The following NDST1 variants were observed in gnomAD, a reference collection of about 807,000 sequenced individuals.
NDST1 encodes the protein bifunctional heparan sulfate N-deacetylase/N-sulfotransferase 1.
In NDST1, 35 loss-of-function variants were observed where a neutral mutation model predicts 92.8. That is an observed-to-expected ratio of 0.38 (90% confidence interval 0.29 to 0.50). The LOEUF (loss-of-function observed/expected upper bound fraction) is 0.50, where lower values mean the gene tolerates loss of function less well. NDST1 is among the 20% of genes least tolerant of loss of function. NDST1 has a pLI of 0.94. For synonymous variants in NDST1, 493 were observed against 500.3 expected, an observed-to-expected ratio of 0.99 and a Z score of 0.19; for missense variants, 822 against 1,182.7, an observed-to-expected ratio of 0.69 and a Z score of 4.47.
At chr5:150,518,273 C>T (rs1227076446) in intron 1 of NDST1, among the ~76,000 whole-genome samples, 1 of 152,002 alleles carries the variant, frequency 6.6e-6, no homozygotes, top group Non-Finnish European at 1.5e-5. Flanking sequence ...GAGTTAAGGA[C>T]CCCTGAGCTC....
intron 1 of NDST1, among the ~76,000 whole-genome samples, chr5:150,515,018 G>A (rs1753894648): frequency 6.6e-6 from 1 of 152,216 alleles, no homozygotes; most frequent in South Asian, 2.1e-4. Flanking sequence ...AGGTCAGTAA[G>A]CCCTGGTCCT....
chr5:150,539,169 C>T, intron 6 of NDST1, 59 bp from the exon 7 acceptor site: 1 of 1,404,584 alleles, frequency 7.1e-7, no homozygotes, highest in Non-Finnish European at 1.0e-6. Context: ...GAGGAAGAGT[C>T]CTCCCACCAC....
At chr5:150,518,148 TG>T (rs1220030837) in intron 1 of NDST1, among the ~76,000 whole-genome samples, 1 of 152,128 alleles carries the variant, frequency 6.6e-6, no homozygotes, top group Non-Finnish European at 1.5e-5. Flanking sequence ...CTCCAAGCTG[TG>T]GTATGTGCCA....
intron 1 of NDST1, among the ~76,000 whole-genome samples, chr5:150,514,888 C>T (rs571351897): frequency 3.1e-4 from 47 of 152,304 alleles, no homozygotes; most frequent in Admixed American, 3.9e-4. Flanking sequence ...GGAGCTTCCA[C>T]GATGAATCAG....
At chr5:150,500,574 C>T (rs2151233725) in intron 1 of NDST1, among the ~76,000 whole-genome samples, 1 of 152,314 alleles carries the variant, frequency 6.6e-6, no homozygotes, top group East Asian at 1.9e-4. Flanking sequence ...CCTAGCCAGG[C>T]CCAGAGGAGT....
chr5:150,538,686 A>G (rs1018380975), intron 6 of NDST1, among the ~76,000 whole-genome samples: 1 of 152,130 alleles, frequency 6.6e-6, no homozygotes, highest in Admixed American at 6.5e-5. Context: ...CCATCCATCC[A>G]CTGACCTCAG....
intron 1 of NDST1, among the ~76,000 whole-genome samples, chr5:150,512,151 C>A (rs1279690185): frequency 6.6e-6 from 1 of 152,130 alleles, no homozygotes; most frequent in Non-Finnish European, 1.5e-5. Context: ...TCTTTCTGCA[C>A]TGACCTCCTC....
At chr5:150,530,352 T>C (rs1754668466) in intron 3 of NDST1, among the ~76,000 whole-genome samples, 1 of 152,154 alleles carries the variant, frequency 6.6e-6, no homozygotes. Context: ...GCAAGGTAGA[T>C]TGCTCTGTGT....
At chr5:150,527,420 T>C (rs967206885) in intron 2 of NDST1, among the ~76,000 whole-genome samples, 4 of 152,198 alleles carry the variant, frequency 2.6e-5, no homozygotes, top group African/African-American at 9.6e-5. Flanking sequence ...AGAGAGGTGA[T>C]ATAACTTGCC....
chr5:150,541,718 C>T, intron 9 of NDST1, 52 bp downstream of exon 9: 1 of 1,541,888 alleles, frequency 6.5e-7, no homozygotes, highest in South Asian at 1.1e-5. Context: ...CTGTCTCAGC[C>T]ACAGAATTCT....
chr5:150,529,503 A>G (rs1280682983), intron 3 of NDST1, among the ~76,000 whole-genome samples: 2 of 152,236 alleles, frequency 1.3e-5, no homozygotes, highest in Non-Finnish European at 2.9e-5. Context: ...ACAGCCTACA[A>G]ATTAAGACCA....
intron 8 of NDST1, among the ~76,000 whole-genome samples, chr5:150,540,645 GTC>G (rs1325459812): frequency 6.6e-6 from 1 of 152,092 alleles, no homozygotes; most frequent in East Asian, 1.9e-4. Flanking sequence ...GCGAAACCCT[GTC>G]TCTACAAAAA....
chr5:150,523,804 G>A (rs1024232164), intron 2 of NDST1, among the ~76,000 whole-genome samples: 3 of 152,356 alleles, frequency 2.0e-5, no homozygotes, highest in Admixed American at 6.5e-5. Flanking sequence ...CTAGGGAGGG[G>A]TGCGGGCATG....
chr5:150,512,088 G>A (rs761933344), intron 1 of NDST1, among the ~76,000 whole-genome samples: 8 of 152,110 alleles, frequency 5.3e-5, no homozygotes, highest in African/African-American at 1.2e-4. Context: ...TCAGGTCCCT[G>A]CCCAAGTCCA....
At chr5:150,514,165 C>T (rs551987633) in intron 1 of NDST1, among the ~76,000 whole-genome samples, 2 of 152,368 alleles carry the variant, frequency 1.3e-5, no homozygotes, top group African/African-American at 4.8e-5. Flanking sequence ...TTCAGCTCTG[C>T]CACTGAACAG....
intron 3 of NDST1, among the ~76,000 whole-genome samples, chr5:150,531,923 C>T (rs771512845): frequency 5.3e-5 from 8 of 152,204 alleles, no homozygotes; most frequent in Admixed American, 1.3e-4. Context: ...GCACGGTGCG[C>T]GGGAAGACCG....
At chr5:150,529,991 C>T (rs1173810072) in intron 3 of NDST1, among the ~76,000 whole-genome samples, 2 of 152,194 alleles carry the variant, frequency 1.3e-5, no homozygotes, top group East Asian at 1.9e-4. Flanking sequence ...TAATTTGAAT[C>T]GAGTCCTAAT....
rs1463599553 is a variant in NDST1 at position 150,556,887 on chromosome 5, T to C, written c.*3555T>C. Reference sequence around the variant, plus strand: ...TTTCTAACTATGTTTTTAAAACCTCTTTGAATGCTGAAAGGTCTTCCCTCA... The same window carrying C: ...TTTCTAACTATGTTTTTAAAACCTCCTTGAATGCTGAAAGGTCTTCCCTCA... On this transcript the variant is annotated 3_prime_UTR_variant, in exon 15 of 15. Transcript: ENST00000261797. 3 of 152,674 alleles carry C rather than the reference T, an allele frequency of 2.0e-5. No homozygotes were observed. Among genetic ancestry groups the C allele is most frequent in the African/African-American group, 7.2e-5 (3 of 41,450 alleles). 9.5% of individuals were successfully genotyped at this position (152,674 alleles called of 1,614,324 possible).
chr5:150,532,477 A>C (rs1266504628), intron 3 of NDST1, among the ~76,000 whole-genome samples: 1 of 152,122 alleles, frequency 6.6e-6, no homozygotes, highest in Non-Finnish European at 1.5e-5. Context: ...CCACGCTCAG[A>C]GGGAGCCCAT....
Sources: gnomAD v4.1 joint callset for allele counts (sites outside exome capture counted in the v4.1 genomes callset) on GRCh38, gnomAD v4.1.1 for gene constraint, MANE v1.5 for transcripts, NCBI Gene and HGNC (gene_info 2026-07-23, HGNC 2026-07-21) for gene names.